Variants in CEP295 observed in about 807,000 individuals in gnomAD.
CEP295 encodes centrosomal protein of 295 kDa.
Under a neutral mutation model 291.6 loss-of-function variants are expected in CEP295, and 190 were observed. The ratio of observed to expected loss-of-function variants is 0.65; its 90% confidence interval spans 0.58 to 0.73. CEP295 has a LOEUF of 0.73. CEP295 is among the 30% of genes least tolerant of loss of function. CEP295 has a pLI of 0.00. For missense variants in CEP295, 2,863 were observed against 2,949.4 expected, an observed-to-expected ratio of 0.97 and a Z score of 0.68; for synonymous variants, 993 against 1,038.8, an observed-to-expected ratio of 0.96 and a Z score of 0.85.
In CEP295 at chr11:93,729,655, G is replaced by T. The variant is rs1028727653; in HGVS notation, c.7441G>T (p.Glu2481Ter). The T allele has an allele frequency of 3.9e-6, 6 of 1,550,628 alleles. No individual in the cohort carries two copies. The highest frequency in any genetic ancestry group is 3.5e-6 in the Non-Finnish European group (4 of 1,146,758). ...RLTPVPGSLQEAFIKRKKSFM... is the reference protein window; with the variant it reads ...RLTPVPGSLQ ...TACACCTGTACCAGGGAGCTTACAA[G>T]AAGCATTTATAAAGAGGAAAAAATC... Residue 2481 changes from glutamate (E) to a stop codon, truncating the protein, a stop_gained, in exon 27 of 30, where the codon GAA becomes TAA. Transcript: ENST00000325212. LOFTEE classifies it high-confidence loss of function.
At chr11:93,716,423 T>TA (rs1160242131) in intron 18 of CEP295, among the ~76,000 whole-genome samples, 1 of 152,234 alleles carries the variant, frequency 6.6e-6, no homozygotes, top group Non-Finnish European at 1.5e-5. Context: ...CTGTCAGCGA[T>TA]ATGAAGTTAA....
chr11:93,708,786 A>C (rs914315447), intron 18 of CEP295, among the ~76,000 whole-genome samples: 2 of 152,144 alleles, frequency 1.3e-5, no homozygotes, highest in South Asian at 4.1e-4. Flanking sequence ...TTCCCTTCTC[A>C]CCACATCTTT....
intron 4 of CEP295, 111 bp downstream of exon 4, chr11:93,669,043 T>C (rs1427719411): frequency 5.3e-6 from 3 of 570,362 alleles, no homozygotes; most frequent in South Asian, 5.5e-5. Flanking sequence ...AGCATATTCA[T>C]TGCATTTGTT....
intron 20 of CEP295, chr11:93,722,570 T>C (rs1565217038): frequency 6.2e-6 from 1 of 160,484 alleles, no homozygotes; most frequent in Non-Finnish European, 1.4e-5. Flanking sequence ...AACAATACTT[T>C]TGAGAAGCAG....
At chr11:93,695,169 G>A (rs1951788343) in intron 12 of CEP295, among the ~76,000 whole-genome samples, 1 of 152,238 alleles carries the variant, frequency 6.6e-6, no homozygotes, top group South Asian at 2.1e-4. Context: ...GAATTTGGCT[G>A]TACATCATTT....
chr11:93,727,696 TTTC>T (rs1565225666), intron 24 of CEP295, 59 bp downstream of exon 24: 2 of 1,357,720 alleles, frequency 1.5e-6, no homozygotes, highest in African/African-American at 3.0e-5. Flanking sequence ...AAAAAACTTT[TTTC>T]TTCTAAAATT....
At chr11:93,729,338 A>G (rs1284485336) in intron 25 of CEP295, 96 bp from the exon 26 acceptor site, 12 of 782,016 alleles carry the variant, frequency 1.5e-5, no homozygotes, top group Middle Eastern at 3.6e-4. Flanking sequence ...GGCTGCAGTG[A>G]GGTGTGATCA....
At chr11:93,693,291 C>G (rs1046669633) in intron 12 of CEP295, among the ~76,000 whole-genome samples, 1 of 151,868 alleles carries the variant, frequency 6.6e-6, no homozygotes, top group Admixed American at 6.6e-5. Context: ...AAAAAAAATC[C>G]TCCTTAACTT....
At chr11:93,718,787 C>A (rs1450782523) in intron 18 of CEP295, among the ~76,000 whole-genome samples, 1 of 152,176 alleles carries the variant, frequency 6.6e-6, no homozygotes, top group Non-Finnish European at 1.5e-5. Context: ...CAGAGCAAGA[C>A]CCTGTCATCC....
At chr11:93,693,289 T>C (rs558475157) in intron 12 of CEP295, among the ~76,000 whole-genome samples, 4 of 150,862 alleles carry the variant, frequency 2.7e-5, no homozygotes, top group African/African-American at 9.7e-5. Flanking sequence ...AAAAAAAAAA[T>C]CCTCCTTAAC....
chr11:93,716,443 C>T (rs2135268679), intron 18 of CEP295, among the ~76,000 whole-genome samples: 1 of 152,334 alleles, frequency 6.6e-6, no homozygotes, highest in East Asian at 1.9e-4. Context: ...AAACCAGGTA[C>T]TGTGATTGCT....
chr11:93,728,961 TTG>T (rs1937864357), intron 25 of CEP295, 140 bp downstream of exon 25: 1 of 696,962 alleles, frequency 1.4e-6, no homozygotes, highest in Admixed American at 3.3e-5. Context: ...AGCTCTCAAT[TTG>T]TCTTAAACCT....
rs979238795 is a variant in CEP295, at chr11:93,698,179, G to T, written c.3267G>T (p.Leu1089Phe). ...VELLLHRQRD[L>F]GDSKSGLVSS... The stretch of plus-strand genomic sequence containing the variant: ...TACTTTTACATAGACAAAGAGATTT[G>T]GGGGACAGTAAGTCTGGGCTGGTGA... The change falls in exon 15 of 30, where the codon TTG becomes TTT. Residue 1089 changes from leucine (L) to phenylalanine (F), a missense_variant. Leu to Phe is a conservative substitution (Grantham distance 22). Transcript: ENST00000325212. The T allele has an allele frequency of 1.9e-6, 3 of 1,551,912 alleles. No individual in the cohort carries two copies. Among genetic ancestry groups the T allele is most frequent in the African/African-American group, 2.7e-5 (2 of 73,018 alleles).
chr11:93,706,611 G>A (rs530108909), intron 17 of CEP295, 134 bp from the exon 18 acceptor site: 2 of 633,574 alleles, frequency 3.2e-6, no homozygotes, highest in African/African-American at 3.7e-5. Context: ...GCTTGACTGT[G>A]AAAGGTAAGG....
intron 18 of CEP295, among the ~76,000 whole-genome samples, chr11:93,715,191 A>G (rs554021542): frequency 9.9e-5 from 15 of 152,198 alleles, no homozygotes; most frequent in South Asian, 8.3e-4. Flanking sequence ...GCAGGCACCA[A>G]AATCACAAAC....
At chr11:93,677,498 A>C (rs1162604891) in intron 6 of CEP295, among the ~76,000 whole-genome samples, 1 of 152,136 alleles carries the variant, frequency 6.6e-6, no homozygotes, top group Non-Finnish European at 1.5e-5. Context: ...ACAGCCAGTA[A>C]TTCTCTACAT....
Position 93,713,841 on chromosome 11 carries a change from A to G in CEP295, c.5749+6944A>G, listed in dbSNP as rs147676321. On this transcript the variant is annotated intron_variant, in intron 18 of 29. Transcript: ENST00000325212. The stretch of plus-strand genomic sequence containing the variant: ...TTTCTAGATCTTGTAGGCATGCTTC[A>G]TTCTTTTTAATTCTCTTATCTTTTG... Among the ~76,000 whole-genome samples the G allele has an allele frequency of 8.5e-4, 130 of 152,198 alleles. 2 individuals are homozygous for G. Among genetic ancestry groups the G allele is most frequent in the African/African-American group, 3.0e-3 (125 of 41,538 alleles).
At chr11:93,718,793 C>T (rs1303264675) in intron 18 of CEP295, among the ~76,000 whole-genome samples, 1 of 152,200 alleles carries the variant, frequency 6.6e-6, no homozygotes. Context: ...AAGACCCTGT[C>T]ATCCAAAAAA....
At chr11:93,668,452 CA>C (rs34714362) in intron 3 of CEP295, among the ~76,000 whole-genome samples, 8,056 of 152,190 alleles carry the variant, frequency 0.053, 302 homozygotes, top group Non-Finnish European at 0.084. Context: ...GTGCCTAATG[CA>C]ATGTTTCCCA....
Sources: gnomAD v4.1 joint callset for allele counts (sites outside exome capture counted in the v4.1 genomes callset) on GRCh38, gnomAD v4.1.1 for gene constraint, MANE v1.5 for transcripts, NCBI Gene and HGNC (gene_info 2026-07-23, HGNC 2026-07-21) for gene names.